MET: variants seen among roughly 807,000 people sequenced by gnomAD.
The protein encoded by MET is MET proto-oncogene, receptor tyrosine kinase, also known as hepatocyte growth factor receptor.
MET carries 48 observed loss-of-function variants against 133.1 expected under a neutral mutation model. The ratio of observed to expected loss-of-function variants is 0.36; its 90% CI spans 0.29 to 0.46. MET has a LOEUF of 0.46. Among genes scored for constraint, MET ranks in the 20% least tolerant of loss-of-function variants. The pLI is 1.00. For missense variants in MET, 1,442 were observed against 1,695.9 expected, an observed-to-expected ratio of 0.85 and a Z score of 2.63; for synonymous variants, 628 against 616.5, an observed-to-expected ratio of 1.02 and a Z score of -0.28.
Position 116,699,611 on chromosome 7 carries a change from T to C in MET, c.527T>C (p.Val176Ala), listed in dbSNP as rs1343674412. Reference protein sequence around the residue: ...IEEPSQCPDCVVSALGAKVLS... With the variant: ...IEEPSQCPDCAVSALGAKVLS... ...GAGCCCAGCCAGTGTCCTGACTGTG[T>C]GGTGAGCGCCCTGGGAGCCAAAGTC... Residue 176 changes from valine (V) to alanine (A), a missense_variant, in exon 2 of 21, where the codon GTG (valine) becomes GCG (alanine). Coordinates refer to ENST00000397752, the MANE Select transcript of MET (RefSeq NM_000245.4). 6.2e-7 allele frequency: 1 copy of C among 1,613,900 alleles called. No individual in the cohort carries two copies. Among genetic ancestry groups the C allele is most frequent in the Non-Finnish European group, 8.5e-7 (1 of 1,179,966 alleles).
At chr7:116,752,715 C>T (rs1474993228) in intron 5 of MET, among the ~76,000 whole-genome samples, 3 of 152,190 alleles carry the variant, frequency 2.0e-5, no homozygotes, top group African/African-American at 2.4e-5. Flanking sequence ...CAGCTCTCTG[C>T]GTCTTTTCTC....
intron 1 of MET, among the ~76,000 whole-genome samples, chr7:116,691,955 G>T (rs1279385571): frequency 3.9e-5 from 6 of 152,330 alleles, no homozygotes; most frequent in Admixed American, 1.3e-4. Flanking sequence ...AGGAGAGGGA[G>T]AATTTTCAAA....
intron 1 of MET, among the ~76,000 whole-genome samples, chr7:116,689,643 A>G (rs1479443815): frequency 7.4e-6 from 1 of 134,736 alleles, no homozygotes; most frequent in African/African-American, 2.9e-5. Context: ...ATCACGGTTC[A>G]CTGCAGCCTC....
intron 2 of MET, among the ~76,000 whole-genome samples, chr7:116,728,332 C>T (rs1304162063): frequency 1.3e-5 from 2 of 152,106 alleles, no homozygotes; most frequent in Non-Finnish European, 2.9e-5. Flanking sequence ...ATAATTTAAT[C>T]CTATTAGTTC....
intron 3 of MET, among the ~76,000 whole-genome samples, chr7:116,739,432 G>A (rs1203209935): frequency 6.6e-6 from 1 of 152,258 alleles, no homozygotes; most frequent in East Asian, 1.9e-4. Context: ...AAAGTAGCTG[G>A]GGGCCTGTTT....
intron 17 of MET, 125 bp from the exon 18 acceptor site, chr7:116,781,863 C>G: frequency 1.4e-6 from 1 of 709,222 alleles, no homozygotes; most frequent in Non-Finnish European, 2.5e-6. Context: ...CAGGCTTGAG[C>G]CATTAAGACC....
intron 10 of MET, among the ~76,000 whole-genome samples, chr7:116,761,920 T>C (rs73716765): frequency 0.017 from 2,663 of 152,308 alleles, 89 homozygotes; most frequent in African/African-American, 0.061. Context: ...CCTTTTTCTA[T>C]TGTGGGCATA....
At chr7:116,712,025 C>G (rs1449149302) in intron 2 of MET, among the ~76,000 whole-genome samples, 1 of 152,172 alleles carries the variant, frequency 6.6e-6, no homozygotes, top group Non-Finnish European at 1.5e-5. Flanking sequence ...GATGTACACA[C>G]TTGGCTCTGT....
intron 2 of MET, among the ~76,000 whole-genome samples, chr7:116,706,999 G>A (rs184059396): frequency 1.2e-3 from 176 of 151,508 alleles, no homozygotes; most frequent in African/African-American, 4.1e-3. Context: ...TTCCAGGCAG[G>A]TTCATTTGCA....
intron 2 of MET, among the ~76,000 whole-genome samples, chr7:116,700,822 C>T (rs979776687): frequency 6.6e-6 from 1 of 152,164 alleles, no homozygotes; most frequent in Non-Finnish European, 1.5e-5. Flanking sequence ...TAAAAAACCT[C>T]TTCTGAAATG....
At chr7:116,749,337 A>G (rs1457500190) in intron 5 of MET, among the ~76,000 whole-genome samples, 1 of 152,182 alleles carries the variant, frequency 6.6e-6, no homozygotes, top group East Asian at 1.9e-4. Context: ...CCATCACATA[A>G]ACAGAACCAA....
intron 2 of MET, among the ~76,000 whole-genome samples, chr7:116,713,351 C>T (rs1439968925): frequency 6.6e-6 from 1 of 150,932 alleles, no homozygotes; most frequent in African/African-American, 2.4e-5. Context: ...GCCGAGATCC[C>T]GCCACTGCAC....
intron 3 of MET, among the ~76,000 whole-genome samples, chr7:116,737,080 G>C (rs1407683359): frequency 6.6e-6 from 1 of 152,202 alleles, no homozygotes; most frequent in Non-Finnish European, 1.5e-5. Context: ...ACGGGCTAAT[G>C]ATCAACTAAA....
chr7:116,769,009 G>T (rs1188135173), intron 11 of MET, among the ~76,000 whole-genome samples: 9 of 152,264 alleles, frequency 5.9e-5, no homozygotes, highest in African/African-American at 2.2e-4. Context: ...TAGTCATACA[G>T]CATCTCACAT....
chr7:116,751,205 AATGTGGCAC>A (rs1562917125), intron 5 of MET, among the ~76,000 whole-genome samples: 1 of 152,222 alleles, frequency 6.6e-6, no homozygotes, highest in Non-Finnish European at 1.5e-5. Flanking sequence ...GGATAAAGAA[AATGTGGCAC>A]ATATATGCCA....
chr7:116,737,982 T>C lies in MET; in HGVS notation c.1393-1968T>C, dbSNP rs149857525. 8.1e-3 allele frequency among the ~76,000 whole-genome samples: 1,234 copies of C among 152,214 alleles called. 24 individuals are homozygous for C. Among genetic ancestry groups the C allele is most frequent in the African/African-American group, 0.028 (1,146 of 41,524 alleles). On this transcript the variant is annotated intron_variant, in intron 3 of 20. Transcript: ENST00000397752. ...GTGATTGTTATGTAGCCGGTCTAAG[T>C]AGAACGGAGGAAACCAGGGAGACAG...
chr7:116,700,359 TC>T, intron 2 of MET, 75 bp downstream of exon 2: 1 of 1,489,660 alleles, frequency 6.7e-7, no homozygotes, highest in South Asian at 1.3e-5. Flanking sequence ...AAAAAGAATA[TC>T]CAGGGCTTCT....
chr7:116,714,219 C>T (rs1163389741), intron 2 of MET, among the ~76,000 whole-genome samples: 1 of 152,172 alleles, frequency 6.6e-6, no homozygotes, highest in Non-Finnish European at 1.5e-5. Flanking sequence ...AAAGTTTTAA[C>T]ACTTAGAATT....
intron 1 of MET, among the ~76,000 whole-genome samples, chr7:116,686,665 AT>A (rs1332322470): frequency 6.6e-6 from 1 of 152,232 alleles, no homozygotes; most frequent in Non-Finnish European, 1.5e-5. Flanking sequence ...CAAAAGTGAT[AT>A]TGGAGAGATG....
Sources: allele counts gnomAD v4.1 joint callset (sites outside exome capture counted in the v4.1 genomes callset), GRCh38; gene constraint gnomAD v4.1.1; transcripts MANE v1.5; gene names NCBI Gene and HGNC (gene_info 2026-07-23, HGNC 2026-07-21).